The following AXDND1 variants were observed in gnomAD, a reference collection of about 807,000 sequenced individuals.
AXDND1 encodes the protein axonemal dynein light chain domain-containing protein 1.
A neutral mutation model predicts 137.5 loss-of-function variants in AXDND1; 110 were observed. The observed-to-expected ratio is 0.80, with a 90% CI of 0.69 to 0.94. The LOEUF (loss-of-function observed/expected upper bound fraction) is 0.94, where lower values mean the gene tolerates loss of function less well. Ranked by LOEUF, AXDND1 falls within the 40% of genes least tolerant of loss-of-function variation. AXDND1 has a pLI of 0.00. For synonymous variants in AXDND1, 414 were observed against 399.7 expected (o/e 1.04, Z -0.43); for missense variants, 1,191 against 1,169.8 (o/e 1.02, Z -0.26).
At chr1:179,479,462 C>G (rs1193131821) in intron 17 of AXDND1, among the ~76,000 whole-genome samples, 6 of 110,450 alleles carry the variant, frequency 5.4e-5, no homozygotes, top group African/African-American at 2.2e-4. Flanking sequence ...GCAACAAGAG[C>G]GAAACTCTGT....
In AXDND1 at chr1:179,504,431, T is replaced by C. The variant is rs909915398; in HGVS notation, c.2389-4865T>C. 4.6e-5 allele frequency among the ~76,000 whole-genome samples: 7 copies of C among 152,358 alleles called. No homozygotes were observed. The East Asian group carries it at 1.2e-3, about 25-fold the overall frequency. On this transcript the variant is annotated intron_variant, in intron 20 of 25. Transcript: ENST00000367618. ...CTCTATGACACACTTAGTCCTCATTTACCTAAAAGTGGGTAGAGCTCTGTG... is the reference window on the plus strand; with the variant it reads ...CTCTATGACACACTTAGTCCTCATTCACCTAAAAGTGGGTAGAGCTCTGTG...
At chr1:179,421,046 T>A (rs977086449) in intron 12 of AXDND1, among the ~76,000 whole-genome samples, 11 of 75,402 alleles carry the variant, frequency 1.5e-4, no homozygotes, top group African/African-American at 4.9e-4. Flanking sequence ...CCTTCCTTCC[T>A]TCCTTCCTTC....
At chr1:179,447,924 C>T (rs1287112867) in intron 16 of AXDND1, 18 of 1,371,568 alleles carry the variant, frequency 1.3e-5, no homozygotes, top group South Asian at 4.7e-5. Context: ...GTGGAGAGAG[C>T]GTGTTTAAAT....
At chr1:179,386,165 C>T (rs1649187911) in intron 9 of AXDND1, among the ~76,000 whole-genome samples, 1 of 150,846 alleles carries the variant, frequency 6.6e-6, no homozygotes, top group South Asian at 2.1e-4. Context: ...AATTCTCCTG[C>T]CTCAGCCTCC....
At chr1:179,457,197 A>G in intron 16 of AXDND1, 2 of 757,900 alleles carry the variant, frequency 2.6e-6, no homozygotes, top group Non-Finnish European at 4.8e-6. Flanking sequence ...TTTGGATCTC[A>G]TTACCACACA....
At chr1:179,443,196 G>T (rs1474621549) in intron 15 of AXDND1, among the ~76,000 whole-genome samples, 1 of 152,200 alleles carries the variant, frequency 6.6e-6, no homozygotes, top group Admixed American at 6.5e-5. Flanking sequence ...ATGATAAACA[G>T]TTTGCTGTTT....
At chr1:179,518,380 T>C (rs915401878) in intron 21 of AXDND1, among the ~76,000 whole-genome samples, 3 of 134,384 alleles carry the variant, frequency 2.2e-5, no homozygotes, top group Admixed American at 7.6e-5. Flanking sequence ...TACATTTTCC[T>C]TTTTCTTTTT....
At chr1:179,408,792 A>C (rs1301140866) in intron 11 of AXDND1, among the ~76,000 whole-genome samples, 1 of 152,132 alleles carries the variant, frequency 6.6e-6, no homozygotes, top group Non-Finnish European at 1.5e-5. Flanking sequence ...CAATCCTTAC[A>C]CATCAGCCAA....
At chr1:179,370,596 T>C (rs979603802) in intron 4 of AXDND1, among the ~76,000 whole-genome samples, 2 of 152,248 alleles carry the variant, frequency 1.3e-5, no homozygotes, top group African/African-American at 2.4e-5. Context: ...TTTGTCTCAT[T>C]CCTACAAACA....
At chr1:179,459,738 T>TC (rs1661965808) in intron 16 of AXDND1, among the ~76,000 whole-genome samples, 1 of 106,924 alleles carries the variant, frequency 9.4e-6, no homozygotes, top group Non-Finnish European at 1.9e-5. Context: ...TTCCTTCCTT[T>TC]TTTCCTTCCT....
chr1:179,410,507 C>T (rs966110457), intron 11 of AXDND1, among the ~76,000 whole-genome samples: 1 of 152,126 alleles, frequency 6.6e-6, no homozygotes, highest in Non-Finnish European at 1.5e-5. Flanking sequence ...GGATTACTGG[C>T]GTGAGCCACT....
At chr1:179,435,339 C>G (rs1208949055) in intron 15 of AXDND1, among the ~76,000 whole-genome samples, 1 of 152,132 alleles carries the variant, frequency 6.6e-6, no homozygotes, top group African/African-American at 2.4e-5. Flanking sequence ...TTAGAAAAGA[C>G]TACTTTAAAT....
intron 11 of AXDND1, among the ~76,000 whole-genome samples, chr1:179,403,349 A>G (rs1652407490): frequency 6.6e-6 from 1 of 152,208 alleles, no homozygotes; most frequent in African/African-American, 2.4e-5. Context: ...TACAGTACAT[A>G]TCAAGCATTT....
At chr1:179,435,678 A>G (rs900767820) in intron 15 of AXDND1, among the ~76,000 whole-genome samples, 1 of 152,224 alleles carries the variant, frequency 6.6e-6, no homozygotes, top group Non-Finnish European at 1.5e-5. Flanking sequence ...CTTACATCTT[A>G]TATAAAAATT....
chr1:179,467,697 G>T (rs556515117), intron 16 of AXDND1, among the ~76,000 whole-genome samples: 1 of 152,144 alleles, frequency 6.6e-6, no homozygotes, highest in African/African-American at 2.4e-5. Flanking sequence ...AAAAGAAGAA[G>T]TCAAAATTAT....
At chr1:179,508,880 G>A (rs1185743837) in intron 20 of AXDND1, among the ~76,000 whole-genome samples, 5 of 152,146 alleles carry the variant, frequency 3.3e-5, no homozygotes, top group Admixed American at 1.3e-4. Context: ...AGGATCAAAT[G>A]AGTTAATATA....
chr1:179,475,898 G>C (rs896742827), intron 17 of AXDND1, among the ~76,000 whole-genome samples: 4 of 152,072 alleles, frequency 2.6e-5, no homozygotes, highest in African/African-American at 9.6e-5. Flanking sequence ...CACATGTCAA[G>C]GGAAGGAGGT....
chr1:179,370,180 A>G (rs984672386), intron 4 of AXDND1, 102 bp downstream of exon 4: 1 of 887,330 alleles, frequency 1.1e-6, no homozygotes. Flanking sequence ...TCACTGAATC[A>G]TAGATGATAA....
intron 22 of AXDND1, among the ~76,000 whole-genome samples, 180 bp from the exon 23 acceptor site, chr1:179,528,147 T>G (rs1365655935): frequency 3.9e-5 from 6 of 152,174 alleles, no homozygotes; most frequent in Non-Finnish European, 7.4e-5. Context: ...ACACTCCCCA[T>G]CCTACCAGTT....
Sources: gnomAD v4.1 joint callset for allele counts (sites outside exome capture counted in the v4.1 genomes callset) on GRCh38, gnomAD v4.1.1 for gene constraint, MANE v1.5 for transcripts, NCBI Gene and HGNC (gene_info 2026-07-23, HGNC 2026-07-21) for gene names.